Variants in CWC22 observed in about 807,000 individuals in gnomAD.
The protein encoded by CWC22 is CWC22 spliceosome associated protein.
Under a neutral mutation model 117.2 loss-of-function variants are expected in CWC22, and 53 were observed. The observed-to-expected ratio is 0.45, with a 90% confidence interval of 0.36 to 0.57. The LOEUF (loss-of-function observed/expected upper bound fraction) is 0.57. Among genes scored for constraint, CWC22 ranks in the 20% least tolerant of loss-of-function variants. The pLI, the probability that CWC22 is intolerant of heterozygous loss-of-function variation, is 0.00. For synonymous variants in CWC22, 360 were observed against 355.6 expected (o/e 1.01, Z -0.14); for missense variants, 980 against 1,068.8 (o/e 0.92, Z 1.16).
chr2:179,984,623 C>T (rs934127884), intron 4 of CWC22, among the ~76,000 whole-genome samples: 10 of 151,676 alleles, frequency 6.6e-5, no homozygotes, highest in East Asian at 5.8e-4. Flanking sequence ...TTTTAGTCAA[C>T]GATAAACCAT....
At chr2:179,954,581 G>T (rs1347908262) in intron 15 of CWC22, among the ~76,000 whole-genome samples, 1 of 152,068 alleles carries the variant, frequency 6.6e-6, no homozygotes, top group South Asian at 2.1e-4. Flanking sequence ...CATACATGTA[G>T]GTGATCACAT....
At chr2:179,962,975 TAAC>T (rs1306612330) in intron 13 of CWC22, among the ~76,000 whole-genome samples, 6 of 152,014 alleles carry the variant, frequency 3.9e-5, no homozygotes, top group Non-Finnish European at 8.8e-5. Flanking sequence ...TTAAAAAAAA[TAAC>T]AAAAAATCCC....
chr2:179,965,301 T>C (rs1256691713), intron 12 of CWC22, among the ~76,000 whole-genome samples: 1 of 152,206 alleles, frequency 6.6e-6, no homozygotes, highest in Admixed American at 6.5e-5. Context: ...ATGCAATACA[T>C]GTAAATAATG....
Position 179,950,870 on chromosome 2 carries a change from C to T in CWC22, c.1874G>A (p.Arg625Gln). The change falls in exon 18 of 20, where the codon CGG becomes CAG. Residue 625 changes from arginine (R) to glutamine (Q), a missense_variant. Arg to Gln is a conservative substitution (Grantham distance 43). Around this residue, in one of 3 missense-constraint regions of CWC22, gnomAD observed 115 missense variants for 169.8 expected, o/e 0.68. Coordinates refer to ENST00000410053, the MANE Select transcript of CWC22 (RefSeq NM_020943.3). ...LLPRDNPRNTRFAINFFTSIG... is the reference protein window; with the variant it reads ...LLPRDNPRNTQFAINFFTSIG... Reference sequence around the variant, plus strand: ...AGAAGTAAAGAAGTTGATGGCAAACCGAGTGTTTCTTGGATTATCTCGGGG... The same window carrying T: ...AGAAGTAAAGAAGTTGATGGCAAACTGAGTGTTTCTTGGATTATCTCGGGG... 1.3e-6 allele frequency: 2 copies of T among 1,594,922 alleles called. No individual in the cohort carries two copies. Among genetic ancestry groups the T allele is most frequent in the East Asian group, 2.3e-5 (1 of 43,962 alleles).
chr2:179,962,479 ATAC>A lies in CWC22; in HGVS notation c.1397+2065_1397+2067del, dbSNP rs1686778323. 2.6e-5 allele frequency among the ~76,000 whole-genome samples: 4 copies of A among 152,272 alleles called. No homozygotes were observed. In the South Asian group the frequency reaches 8.3e-4, roughly 32 times the overall value. ...TCTGCCTATTTTTACAGTTAAGAAA[ATAC>A]TACAAGCACAATTCTATATAGTTAT... On this transcript the variant is annotated intron_variant, in intron 13 of 19. Transcript: ENST00000410053.
At chr2:179,959,161 A>T in intron 13 of CWC22, 79 bp from the exon 14 acceptor site, 2 of 837,572 alleles carry the variant, frequency 2.4e-6, no homozygotes, top group Non-Finnish European at 3.8e-6. Context: ...TACTTTAATA[A>T]TGGTTTTAAA....
At chr2:179,946,208 C>G (rs1686293669) in intron 19 of CWC22, among the ~76,000 whole-genome samples, 1 of 151,900 alleles carries the variant, frequency 6.6e-6, no homozygotes, top group Admixed American at 6.6e-5. Context: ...CTTTGGGAAG[C>G]AGAGGGGGTG....
chr2:179,948,403 TA>T (rs71029839), intron 19 of CWC22, among the ~76,000 whole-genome samples: 22,047 of 151,392 alleles, frequency 0.15, 1,956 homozygotes, highest in Admixed American at 0.29. Context: ...GGTGATTTTT[TA>T]ACCATCCAAA....
At chr2:179,950,317 A>C (rs1686411711) in intron 19 of CWC22, among the ~76,000 whole-genome samples, 195 bp downstream of exon 19, 1 of 152,194 alleles carries the variant, frequency 6.6e-6, no homozygotes, top group African/African-American at 2.4e-5. Context: ...TGAGGATGTC[A>C]AAAGGTAATC....
At chr2:180,005,807 T>C (rs1489785195) in intron 1 of CWC22, among the ~76,000 whole-genome samples, 1 of 152,246 alleles carries the variant, frequency 6.6e-6, no homozygotes, top group Non-Finnish European at 1.5e-5. Flanking sequence ...ATTGTATTAC[T>C]ACCTACATGT....
At chr2:179,972,885 C>G (rs1052124592) in intron 8 of CWC22, among the ~76,000 whole-genome samples, 2 of 151,584 alleles carry the variant, frequency 1.3e-5, no homozygotes, top group Non-Finnish European at 2.9e-5. Context: ...GGCAGGTGCC[C>G]GTAGTCCCAG....
intron 1 of CWC22, among the ~76,000 whole-genome samples, chr2:179,998,198 A>AAT (rs1457600053): frequency 6.6e-6 from 1 of 152,202 alleles, no homozygotes; most frequent in African/African-American, 2.4e-5. Flanking sequence ...ACTTAGGCAG[A>AAT]ATATAGAGAC....
At chr2:179,959,186 T>C in intron 13 of CWC22, 104 bp from the exon 14 acceptor site, 2 of 730,276 alleles carry the variant, frequency 2.7e-6, no homozygotes, top group Non-Finnish European at 4.6e-6. Flanking sequence ...CTTTTTTAAC[T>C]GTAATTTCAT....
intron 1 of CWC22, among the ~76,000 whole-genome samples, chr2:180,005,289 G>C (rs1413203580): frequency 1.3e-5 from 2 of 152,146 alleles, no homozygotes; most frequent in African/African-American, 4.8e-5. Flanking sequence ...CTTAAAACTA[G>C]GACACTAGCC....
chr2:179,988,561 A>G lies in CWC22; in HGVS notation c.95+16T>C. The G allele has an allele frequency of 7.6e-7, 1 of 1,314,954 alleles. No individual in the cohort carries two copies. Among genetic ancestry groups the G allele is most frequent in the Non-Finnish European group, 1.1e-6 (1 of 941,244 alleles). 81.5% of individuals were successfully genotyped at this position (1,314,954 alleles called of 1,614,324 possible). ...TAAAAATTTACATTGCATTCAGAGC[A>G]TATTAAACTATTTACCTGTCTTCTG... On this transcript the variant is annotated intron_variant, in intron 3 of 19. Coordinates refer to ENST00000410053, the MANE Select transcript of CWC22 (RefSeq NM_020943.3).
intron 6 of CWC22, among the ~76,000 whole-genome samples, chr2:179,975,085 T>C (rs1385835475): frequency 3.3e-5 from 5 of 152,170 alleles, no homozygotes; most frequent in Non-Finnish European, 5.9e-5. Context: ...ATCATAGTCA[T>C]GTAAAATGAC....
chr2:179,983,745 G>C (rs1687344860), intron 4 of CWC22, among the ~76,000 whole-genome samples: 1 of 152,086 alleles, frequency 6.6e-6, no homozygotes, highest in Non-Finnish European at 1.5e-5. Flanking sequence ...ATGGGGGAAA[G>C]AGTGATTTCA....
In CWC22 at chr2:179,970,549, C is replaced by A; in HGVS notation, c.1162G>T (p.Asp388Tyr). The change falls in exon 11 of 20, where the codon GAT (aspartate) becomes TAT (tyrosine). Residue 388 changes from aspartate to tyrosine, a missense_variant. Physicochemically the swap from Asp to Tyr is radical, Grantham distance 160. This residue lies in a region of CWC22 where 559 missense variants were observed against 602.3 expected (regional missense o/e 0.93). Transcript: ENST00000410053. ...TCTTCATTCTCCATAAAATTAGGAT[C>A]CATCTTGAAAACATCTAAAAAAAAT... ...PEDVLNVFKM[D>Y]PNFMENEEKY... 6.5e-7 allele frequency: 1 copy of A among 1,546,956 alleles called. No homozygotes were observed. The highest frequency in any genetic ancestry group is 1.4e-5 in the African/African-American group (1 of 72,922).
At chr2:180,001,835 C>T (rs1034524519) in intron 1 of CWC22, among the ~76,000 whole-genome samples, 20 of 152,310 alleles carry the variant, frequency 1.3e-4, no homozygotes, top group African/African-American at 4.8e-4. Context: ...ACAGGGACAC[C>T]ACCTTCATTT....
Sources: allele counts gnomAD v4.1 joint callset (sites outside exome capture counted in the v4.1 genomes callset), GRCh38; gene constraint gnomAD v4.1.1; regional missense constraint gnomAD v4.1.1; transcripts MANE v1.5; gene names NCBI Gene and HGNC (gene_info 2026-07-23, HGNC 2026-07-21).